THSD7A: variants seen among roughly 807,000 people sequenced by gnomAD.
The protein encoded by THSD7A is thrombospondin type-1 domain-containing protein 7A.
THSD7A carries 96 observed loss-of-function variants against 231.3 expected under a neutral mutation model. The observed-to-expected ratio is 0.41, with a 90% CI of 0.35 to 0.49. The LOEUF (loss-of-function observed/expected upper bound fraction) is 0.49, where lower values mean the gene tolerates loss of function less well. THSD7A is among the 20% of genes least tolerant of loss of function. The pLI is 0.05. For synonymous variants in THSD7A, 940 were observed against 743.3 expected (o/e 1.26, Z -4.30); for missense variants, 2,290 against 2,070.2 (o/e 1.11, Z -2.06).
rs1208752661 is a variant in THSD7A at position 11,517,706 on chromosome 7, A to C, written c.1822+23713T>G. 3.3e-5 allele frequency among the ~76,000 whole-genome samples: 5 copies of C among 152,238 alleles called. No individual in the cohort carries two copies. In the East Asian group the frequency reaches 9.6e-4, roughly 29 times the overall value. On this transcript the variant is annotated intron_variant, in intron 6 of 27. Coordinates refer to ENST00000423059, the MANE Select transcript of THSD7A (RefSeq NM_015204.3). ...TATAGAAAGCATATTTTAAAGCTGC[A>C]TGCAATGAGATACATAGAAGATAAT...
intron 24 of THSD7A, 86 bp from the exon 25 acceptor site, chr7:11,379,798 T>G (rs1378596710): frequency 3.6e-6 from 5 of 1,384,826 alleles, no homozygotes; most frequent in Non-Finnish European, 5.0e-6. Context: ...TCTTTGAATC[T>G]TGAACCACCT....
intron 2 of THSD7A, among the ~76,000 whole-genome samples, chr7:11,600,603 G>C (rs959589939): frequency 2.0e-5 from 3 of 152,096 alleles, no homozygotes; most frequent in Non-Finnish European, 4.4e-5. Context: ...TTGATTTGTA[G>C]TTTAACTCTT....
At chr7:11,816,759 T>C (rs1359794323) in intron 1 of THSD7A, among the ~76,000 whole-genome samples, 1 of 152,156 alleles carries the variant, frequency 6.6e-6, no homozygotes, top group Non-Finnish European at 1.5e-5. Context: ...ATTGCACACA[T>C]TTTTAAAAGT....
chr7:11,673,318 T>A (rs1783480319), intron 1 of THSD7A, among the ~76,000 whole-genome samples: 1 of 152,060 alleles, frequency 6.6e-6, no homozygotes, highest in Non-Finnish European at 1.5e-5. Flanking sequence ...GAGAGACAAC[T>A]GGAGAACAAG....
chr7:11,788,398 G>T (rs910025529), intron 1 of THSD7A, among the ~76,000 whole-genome samples: 8 of 151,830 alleles, frequency 5.3e-5, no homozygotes, highest in African/African-American at 1.7e-4. Context: ...ATCCTCCCAG[G>T]TTTATATTTC....
chr7:11,428,244 T>C (rs1348610539), intron 14 of THSD7A, among the ~76,000 whole-genome samples: 7 of 152,226 alleles, frequency 4.6e-5, no homozygotes, highest in Non-Finnish European at 1.0e-4. Flanking sequence ...AATTCACTTA[T>C]AGGCCAAACA....
At chr7:11,627,885 A>G (rs1781523496) in intron 2 of THSD7A, among the ~76,000 whole-genome samples, 1 of 152,072 alleles carries the variant, frequency 6.6e-6, no homozygotes, top group African/African-American at 2.4e-5. Flanking sequence ...AACTGATTGG[A>G]AAAAGATAGT....
chr7:11,789,321 T>C (rs929115117), intron 1 of THSD7A, among the ~76,000 whole-genome samples: 2 of 152,012 alleles, frequency 1.3e-5, no homozygotes, highest in South Asian at 2.1e-4. Context: ...GCTTTTATTC[T>C]GAGGAGAAAT....
At chr7:11,495,709 G>T (rs181290453) in intron 6 of THSD7A, among the ~76,000 whole-genome samples, 166 of 152,244 alleles carry the variant, frequency 1.1e-3, no homozygotes, top group African/African-American at 3.8e-3. Context: ...AATAGAGGCT[G>T]CCTATGTGAT....
intron 13 of THSD7A, among the ~76,000 whole-genome samples, chr7:11,431,705 A>G (rs887485158): frequency 6.6e-6 from 1 of 152,128 alleles, no homozygotes; most frequent in Non-Finnish European, 1.5e-5. Flanking sequence ...TTTTAGAATT[A>G]GACTGTCAAT....
chr7:11,590,348 G>T lies in THSD7A; in HGVS notation c.1453+112C>A. The T allele has an allele frequency of 9.1e-7, 1 of 1,094,412 alleles. No individual in the cohort carries two copies. 67.8% of individuals were successfully genotyped at this position (1,094,412 alleles called of 1,614,324 possible). A position where few individuals can be genotyped will look rare whatever the true frequency, so the allele number is the denominator to read the frequency against. ...CCATAGTGAATACCAACCACAATGT[G>T]AACAGAAATGCAGCCCTCATAACCT... On this transcript the variant is annotated intron_variant, in intron 4 of 27. Coordinates refer to ENST00000423059, the MANE Select transcript of THSD7A (RefSeq NM_015204.3). The surrounding 1 kb of genome is among the most constrained non-coding windows in gnomAD (Gnocchi z 4.4).
chr7:11,723,905 C>T (rs1228421086), intron 1 of THSD7A, among the ~76,000 whole-genome samples: 1 of 151,874 alleles, frequency 6.6e-6, no homozygotes. Context: ...TTGGATCTTA[C>T]TCTGAATGAA....
intron 4 of THSD7A, among the ~76,000 whole-genome samples, chr7:11,568,306 C>T (rs1222137961): frequency 2.0e-5 from 3 of 151,134 alleles, no homozygotes; most frequent in Non-Finnish European, 4.4e-5. Flanking sequence ...CTGCATATCT[C>T]TGTAGTGTCA....
At chr7:11,664,409 T>C (rs966704146) in intron 1 of THSD7A, among the ~76,000 whole-genome samples, 13 of 151,946 alleles carry the variant, frequency 8.6e-5, no homozygotes, top group African/African-American at 3.1e-4. Flanking sequence ...ATTTCCTTAC[T>C]TTTATGAAGA....
At chr7:11,505,775 A>T (rs1352915508) in intron 6 of THSD7A, among the ~76,000 whole-genome samples, 1 of 152,144 alleles carries the variant, frequency 6.6e-6, no homozygotes, top group Non-Finnish European at 1.5e-5. Flanking sequence ...CTGGGATATG[A>T]AGCATGCCAA....
At chr7:11,691,683 T>G (rs1002175127) in intron 1 of THSD7A, among the ~76,000 whole-genome samples, 1 of 151,482 alleles carries the variant, frequency 6.6e-6, no homozygotes, top group African/African-American at 2.4e-5. Context: ...AATTCAGAGT[T>G]AGTACTGTAT....
chr7:11,575,122 T>A (rs1790834740), intron 4 of THSD7A, among the ~76,000 whole-genome samples: 1 of 152,218 alleles, frequency 6.6e-6, no homozygotes, highest in Admixed American at 6.5e-5. Flanking sequence ...CTTAGAATAG[T>A]GTCTCACATA....
intron 6 of THSD7A, among the ~76,000 whole-genome samples, chr7:11,487,655 A>C (rs1180017678): frequency 6.6e-6 from 1 of 152,108 alleles, no homozygotes; most frequent in Non-Finnish European, 1.5e-5. Flanking sequence ...ATCATGGTAG[A>C]AGACAGAGAA....
At chr7:11,695,104 A>G (rs1780348071) in intron 1 of THSD7A, among the ~76,000 whole-genome samples, 1 of 151,550 alleles carries the variant, frequency 6.6e-6, no homozygotes, top group South Asian at 2.1e-4. Flanking sequence ...CTCATAGGTA[A>G]CATTTGAATG....
Sources: allele counts gnomAD v4.1 joint callset (sites outside exome capture counted in the v4.1 genomes callset), GRCh38; gene constraint gnomAD v4.1.1; non-coding constraint Gnocchi (gnomAD v3.1); transcripts MANE v1.5; gene names NCBI Gene and HGNC (gene_info 2026-07-23, HGNC 2026-07-21).